The following DNAAF10 variants were observed in gnomAD, a reference collection of about 807,000 sequenced individuals.
DNAAF10 encodes WD repeat domain 92.
In DNAAF10, 28 loss-of-function variants were observed where a neutral mutation model predicts 43.7. That is an observed-to-expected ratio of 0.64 (90% CI 0.48 to 0.88). The LOEUF is 0.88. Among genes scored for constraint, DNAAF10 ranks in the 40% least tolerant of loss-of-function variants. The pLI, the probability that DNAAF10 is intolerant of heterozygous loss-of-function variation, is 0.00. For synonymous variants in DNAAF10, 156 were observed against 157.3 expected, an observed-to-expected ratio of 0.99 and a Z score of 0.06; for missense variants, 403 against 439.1, an observed-to-expected ratio of 0.92 and a Z score of 0.73.
At chr2:68,132,970 G>A (rs999759240) in intron 7 of DNAAF10, among the ~76,000 whole-genome samples, 1 of 151,840 alleles carries the variant, frequency 6.6e-6, no homozygotes, top group Non-Finnish European at 1.5e-5. Flanking sequence ...AAGAAAACTG[G>A]GACTAGTTCT....
At chr2:68,135,309 C>T (rs1673014713) in intron 6 of DNAAF10, among the ~76,000 whole-genome samples, 1 of 152,142 alleles carries the variant, frequency 6.6e-6, no homozygotes, top group Non-Finnish European at 1.5e-5. Context: ...ACTAACAGCT[C>T]CCAGAGCCTT....
At chr2:68,155,702 C>A (rs1217838993) in intron 1 of DNAAF10, among the ~76,000 whole-genome samples, 3 of 151,570 alleles carry the variant, frequency 2.0e-5, no homozygotes, top group East Asian at 3.9e-4. Flanking sequence ...ACAACAACAA[C>A]AAAAAACAAA....
Position 68,157,267 on chromosome 2 carries a change from A to C in DNAAF10, c.177T>G (p.Leu59=), listed in dbSNP as rs944717961. 6.2e-7 allele frequency: 1 copy of C among 1,612,940 alleles called. No individual in the cohort carries two copies. Among genetic ancestry groups the C allele is most frequent in the Non-Finnish European group, 8.5e-7 (1 of 1,179,412 alleles). The change falls in exon 1 of 8, where the codon CTT becomes CTG. Residue 59 remains leucine (L), a synonymous_variant. Coordinates refer to ENST00000295121, the MANE Select transcript of DNAAF10 (RefSeq NM_138458.4). Reference sequence around the variant, plus strand: ...TCCTCGACCCGGCACCCACCTCCCGAAGCAGCTTCAGGTCCCCGTGCTGGA... The same window carrying C: ...TCCTCGACCCGGCACCCACCTCCCGCAGCAGCTTCAGGTCCCCGTGCTGGA... ...YEIQHGDLKL[L]REIEKAKPIK... is the part of the protein sequence containing the mutation.
chr2:68,129,945 G>A lies in DNAAF10; in HGVS notation c.*1293C>T, dbSNP rs905285974. The A allele has an allele frequency of 5.9e-5, 9 of 151,786 alleles. No homozygotes were observed. Among genetic ancestry groups the A allele is most frequent in the Non-Finnish European group, 7.4e-5 (5 of 67,916 alleles). 9.4% of individuals were successfully genotyped at this position (151,786 alleles called of 1,614,324 possible). Reference sequence around the variant, plus strand: ...AAGACTACAAAACCCCTACAATCTTGTACATTTCACCATCACTTACCACAG... The same window carrying A: ...AAGACTACAAAACCCCTACAATCTTATACATTTCACCATCACTTACCACAG... On this transcript the variant is annotated 3_prime_UTR_variant, in exon 8 of 8. Coordinates refer to ENST00000295121, the MANE Select transcript of DNAAF10 (RefSeq NM_138458.4).
chr2:68,138,956 A>C (rs1232523568), intron 4 of DNAAF10, 99 bp from the exon 5 acceptor site: 2 of 833,966 alleles, frequency 2.4e-6, no homozygotes, highest in African/African-American at 1.7e-5. Flanking sequence ...CTTATATTAA[A>C]TCAGATCTTA....
intron 3 of DNAAF10, 119 bp from the exon 4 acceptor site, chr2:68,141,914 GAAAATA>G: frequency 8.8e-6 from 7 of 795,680 alleles, no homozygotes; most frequent in African/African-American, 1.7e-5. Context: ...TATGACATCT[GAAAATA>G]TCCACATTGT....
chr2:68,139,459 A>G (rs1393832451), intron 4 of DNAAF10, among the ~76,000 whole-genome samples: 2 of 152,144 alleles, frequency 1.3e-5, no homozygotes, highest in East Asian at 3.8e-4. Flanking sequence ...CCTTTATAGC[A>G]ATAAAGCAAT....
At chr2:68,149,293 G>A (rs1484914674) in intron 1 of DNAAF10, among the ~76,000 whole-genome samples, 1 of 152,156 alleles carries the variant, frequency 6.6e-6, no homozygotes, top group Non-Finnish European at 1.5e-5. Flanking sequence ...CCTATTGTTT[G>A]TGATCTAGAT....
chr2:68,137,196 C>G, intron 6 of DNAAF10, 103 bp downstream of exon 6: 1 of 1,335,400 alleles, frequency 7.5e-7, no homozygotes, highest in Non-Finnish European at 9.9e-7. Context: ...AAATAGCTCC[C>G]TTCACATAAA....
intron 4 of DNAAF10, among the ~76,000 whole-genome samples, 187 bp downstream of exon 4, chr2:68,141,507 A>G (rs574337749): frequency 6.6e-6 from 1 of 152,386 alleles, no homozygotes; most frequent in South Asian, 2.1e-4. Flanking sequence ...CACATGGCCA[A>G]TAAGTAGCAG....
intron 6 of DNAAF10, 63 bp downstream of exon 6, chr2:68,137,236 T>C: frequency 6.7e-7 from 1 of 1,499,696 alleles, no homozygotes; most frequent in Non-Finnish European, 8.9e-7. Flanking sequence ...TGACTAATTC[T>C]ACTTATCAGT....
chr2:68,156,666 T>C (rs1673625373), intron 1 of DNAAF10, among the ~76,000 whole-genome samples: 1 of 152,206 alleles, frequency 6.6e-6, no homozygotes, highest in Non-Finnish European at 1.5e-5. Context: ...GGAGATAAAC[T>C]TCTTCCCATC....
chr2:68,157,083 T>G (rs1673641283), intron 1 of DNAAF10, 178 bp downstream of exon 1: 1 of 890,668 alleles, frequency 1.1e-6, no homozygotes, highest in Non-Finnish European at 1.7e-6. Context: ...ACCCCGCGGA[T>G]GAGAAGAAAG....
At chr2:68,148,551 A>G (rs1182342539) in intron 1 of DNAAF10, among the ~76,000 whole-genome samples, 1 of 151,892 alleles carries the variant, frequency 6.6e-6, no homozygotes, top group Admixed American at 6.6e-5. Context: ...CCCGCCGCCA[A>G]CTCTACCTGC....
At chr2:68,138,067 C>T (rs185979744) in intron 5 of DNAAF10, among the ~76,000 whole-genome samples, 7 of 137,524 alleles carry the variant, frequency 5.1e-5, no homozygotes, top group Admixed American at 2.9e-4. Flanking sequence ...CCCAGTTACT[C>T]GGGAGGCTGA....
At chr2:68,136,891 C>CATATATTCCTGGAATAT (rs1558607274) in intron 6 of DNAAF10, among the ~76,000 whole-genome samples, 281 of 152,152 alleles carry the variant, frequency 1.8e-3, no homozygotes, top group African/African-American at 6.5e-3. Context: ...TTTAATATAG[C>CATATATTCCTGGAATAT]AAACTGGAAT....
intron 4 of DNAAF10, among the ~76,000 whole-genome samples, chr2:68,140,606 T>C (rs1176506758): frequency 2.0e-5 from 3 of 152,200 alleles, no homozygotes; most frequent in Non-Finnish European, 2.9e-5. Flanking sequence ...GTACCACTCA[T>C]CACTCCCGCT....
Position 68,157,298 on chromosome 2 carries a change from T to G in DNAAF10, c.146A>C (p.Tyr49Ser). Residue 49 changes from tyrosine to serine, a missense_variant, in exon 1 of 8, where the codon TAC (tyrosine) becomes TCC (serine). Coordinates refer to ENST00000295121, the MANE Select transcript of DNAAF10 (RefSeq NM_138458.4). Reference protein sequence around the residue: ...FARGTGVIQLYEIQHGDLKLL... With the variant: ...FARGTGVIQLSEIQHGDLKLL... Reference sequence around the variant, plus strand: ...CTTCAGGTCCCCGTGCTGGATCTCGTACAGCTGAATGACGCCGGTGCCCCG... The same window carrying G: ...CTTCAGGTCCCCGTGCTGGATCTCGGACAGCTGAATGACGCCGGTGCCCCG... 1 of 1,614,104 alleles carries G rather than the reference T, an allele frequency of 6.2e-7. No individual in the cohort carries two copies. The highest frequency in any genetic ancestry group is 8.5e-7 in the Non-Finnish European group (1 of 1,180,002).
rs973647886 is a variant in DNAAF10, at chr2:68,129,875, CAGA to C, written c.*1360_*1362del. ...TCAAAGCTTCTGTAGATCTCAAAAA[CAGA>C]AGTTTATTCATAAAATGCATTTTTA... On this transcript the variant is annotated 3_prime_UTR_variant, in exon 8 of 8. Coordinates refer to ENST00000295121, the MANE Select transcript of DNAAF10 (RefSeq NM_138458.4). 2.6e-5 allele frequency: 4 copies of C among 151,690 alleles called. No individual in the cohort carries two copies. Among genetic ancestry groups the C allele is most frequent in the Non-Finnish European group, 5.9e-5 (4 of 67,910 alleles). The allele number at this position is 151,690 out of a possible 1,614,324, so 9.4% of individuals were successfully genotyped here.
Sources: gnomAD v4.1 joint callset for allele counts (sites outside exome capture counted in the v4.1 genomes callset) on GRCh38, gnomAD v4.1.1 for gene constraint, MANE v1.5 for transcripts, NCBI Gene and HGNC (gene_info 2026-07-23, HGNC 2026-07-21) for gene names.